Variants in MAPK4 observed in about 807,000 individuals in gnomAD.
MAPK4 encodes Erk3-related.
MAPK4 carries 22 observed loss-of-function variants against 47.7 expected under a neutral mutation model. The observed-to-expected ratio is 0.46, with a 90% CI of 0.33 to 0.66. The LOEUF (loss-of-function observed/expected upper bound fraction) is 0.66. Among genes scored for constraint, MAPK4 ranks in the 30% least tolerant of loss-of-function variants. The probability of loss-of-function intolerance (pLI) is 0.02; values close to 1 mark genes in which losing one functional copy is unlikely to be tolerated. For missense variants in MAPK4, 736 were observed against 831.7 expected (o/e 0.88, Z 1.42); for synonymous variants, 390 against 365.7 (o/e 1.07, Z -0.76).
intron 1 of MAPK4, among the ~76,000 whole-genome samples, chr18:50,588,642 C>G (rs2042408954): frequency 6.6e-6 from 1 of 152,202 alleles, no homozygotes; most frequent in African/African-American, 2.4e-5. Flanking sequence ...GCAGCCTCAA[C>G]TTTCCAGGCT....
At chr18:50,603,317 T>C (rs1437650) in intron 1 of MAPK4, among the ~76,000 whole-genome samples, 79,298 of 151,942 alleles carry the variant, frequency 0.52, 20,669 homozygotes, top group East Asian at 0.61. Context: ...AGAGTCAAAG[T>C]GGCTGCATTA....
intron 1 of MAPK4, among the ~76,000 whole-genome samples, chr18:50,613,333 T>G (rs1161649301): frequency 1.3e-5 from 2 of 152,206 alleles, no homozygotes; most frequent in Non-Finnish European, 2.9e-5. Context: ...GGAAGCTGTG[T>G]GTGGCCTCTA....
At chr18:50,654,673 T>C (rs2043087788) in intron 1 of MAPK4, among the ~76,000 whole-genome samples, 1 of 152,160 alleles carries the variant, frequency 6.6e-6, no homozygotes, top group Non-Finnish European at 1.5e-5. Context: ...CCTGGCACAC[T>C]TGTGGACCAG....
intron 2 of MAPK4, among the ~76,000 whole-genome samples, chr18:50,692,225 G>T (rs1397289572): frequency 6.6e-6 from 1 of 152,204 alleles, no homozygotes; most frequent in African/African-American, 2.4e-5. Context: ...ACTGTTGTTA[G>T]CCTGTAGCCC....
At chr18:50,640,382 CAAA>C (rs34039185) in intron 1 of MAPK4, among the ~76,000 whole-genome samples, 24 of 128,824 alleles carry the variant, frequency 1.9e-4, no homozygotes, top group East Asian at 4.4e-4. Context: ...TTCTTGTTTA[CAAA>C]AAAAAAAAAA....
intron 1 of MAPK4, among the ~76,000 whole-genome samples, chr18:50,587,466 A>C (rs958075416): frequency 6.6e-6 from 1 of 152,192 alleles, no homozygotes; most frequent in Non-Finnish European, 1.5e-5. Context: ...GGAGTAAGAC[A>C]GGGAGGGGTT....
At chr18:50,661,580 G>A (rs2043172337) in intron 1 of MAPK4, among the ~76,000 whole-genome samples, 1 of 152,190 alleles carries the variant, frequency 6.6e-6, no homozygotes. Flanking sequence ...TTCAGGGGTG[G>A]AGGGGTGGAT....
chr18:50,638,043 GC>G (rs2042903289), intron 1 of MAPK4, among the ~76,000 whole-genome samples: 1 of 152,222 alleles, frequency 6.6e-6, no homozygotes, highest in African/African-American at 2.4e-5. Flanking sequence ...AGGGCATCAT[GC>G]ATGTAAAGGT....
chr18:50,568,891 T>C (rs1438548502), intron 1 of MAPK4, among the ~76,000 whole-genome samples: 1 of 152,270 alleles, frequency 6.6e-6, no homozygotes, highest in African/African-American at 2.4e-5. Context: ...ATTTCCAGTC[T>C]AGAATTCTAG....
intron 1 of MAPK4, among the ~76,000 whole-genome samples, chr18:50,591,022 A>G (rs930433061): frequency 2.0e-5 from 3 of 152,194 alleles, no homozygotes; most frequent in Admixed American, 6.5e-5. Context: ...ATTTTCCTCA[A>G]TGAAGGTCTT....
intron 1 of MAPK4, among the ~76,000 whole-genome samples, chr18:50,645,715 G>C (rs2042982857): frequency 6.6e-6 from 1 of 152,126 alleles, no homozygotes; most frequent in Admixed American, 6.5e-5. Flanking sequence ...GCTCTTAGTA[G>C]GTGTCCTGGG....
chr18:50,592,512 A>G (rs1368563608), intron 1 of MAPK4, among the ~76,000 whole-genome samples: 1 of 25,760 alleles, frequency 3.9e-5, no homozygotes, highest in Non-Finnish European at 7.0e-5. Flanking sequence ...ACGTGAACCA[A>G]TTAATTACAA....
At chr18:50,568,392 A>G (rs1480088532) in intron 1 of MAPK4, among the ~76,000 whole-genome samples, 1 of 152,052 alleles carries the variant, frequency 6.6e-6, no homozygotes. Flanking sequence ...TACATCGAGC[A>G]TTTGCTAAGT....
intron 1 of MAPK4, among the ~76,000 whole-genome samples, chr18:50,582,637 T>G (rs1229790125): frequency 6.6e-6 from 1 of 152,254 alleles, no homozygotes; most frequent in Non-Finnish European, 1.5e-5. Context: ...CTGCTGCCTC[T>G]GCCTGGGGCC....
chr18:50,638,275 T>A (rs918116005), intron 1 of MAPK4, among the ~76,000 whole-genome samples: 1 of 152,218 alleles, frequency 6.6e-6, no homozygotes, highest in African/African-American at 2.4e-5. Flanking sequence ...AGATTTAACA[T>A]TGGAGGCCTT....
At chr18:50,632,925 T>C (rs1166409000) in intron 1 of MAPK4, among the ~76,000 whole-genome samples, 1 of 131,932 alleles carries the variant, frequency 7.6e-6, no homozygotes, top group East Asian at 2.0e-4. Flanking sequence ...TGGCCTGATT[T>C]TTTTTATATA....
At chr18:50,580,187 G>A (rs2042331393) in intron 1 of MAPK4, among the ~76,000 whole-genome samples, 1 of 152,180 alleles carries the variant, frequency 6.6e-6, no homozygotes, top group South Asian at 2.1e-4. Context: ...GCTGGAGGAG[G>A]AGGAGGCAGG....
chr18:50,616,299 T>C (rs888126600), intron 1 of MAPK4, among the ~76,000 whole-genome samples: 1 of 152,234 alleles, frequency 6.6e-6, no homozygotes, highest in Non-Finnish European at 1.5e-5. Context: ...CCAGCTCTGC[T>C]GCCTAGCTTC....
At chr18:50,593,362 A>C (rs932201826) in intron 1 of MAPK4, among the ~76,000 whole-genome samples, 10 of 152,156 alleles carry the variant, frequency 6.6e-5, no homozygotes, top group African/African-American at 2.4e-4. Context: ...CTCATGTGGC[A>C]TGATTTCCAT....
Sources: allele counts gnomAD v4.1 joint callset (sites outside exome capture counted in the v4.1 genomes callset), GRCh38; gene constraint gnomAD v4.1.1; transcripts MANE v1.5; gene names NCBI Gene and HGNC (gene_info 2026-07-23, HGNC 2026-07-21).